NTM: variants seen among roughly 807,000 people sequenced by gnomAD.
NTM encodes the protein neurotrimin, also known as IgLON family member 2.
Under a neutral mutation model 42.1 loss-of-function variants are expected in NTM, and 13 were observed. The observed-to-expected ratio is 0.31, with a 90% CI of 0.20 to 0.49. The LOEUF (loss-of-function observed/expected upper bound fraction) is 0.49, where lower values mean the gene tolerates loss of function less well. Among genes scored for constraint, NTM ranks in the 20% least tolerant of loss-of-function variants. NTM has a pLI of 0.99. For missense variants in NTM, 373 were observed against 452.8 expected, an observed-to-expected ratio of 0.82 and a Z score of 1.60; for synonymous variants, 187 against 179.2, an observed-to-expected ratio of 1.04 and a Z score of -0.35.
chr11:131,495,562 T>G (rs1436064289), intron 1 of NTM, among the ~76,000 whole-genome samples: 1 of 152,204 alleles, frequency 6.6e-6, no homozygotes, highest in African/African-American at 2.4e-5. Flanking sequence ...GCCAGTGTGG[T>G]CGATACTTGG....
At chr11:132,121,405 G>A (rs78286593) in intron 2 of NTM, among the ~76,000 whole-genome samples, 4,271 of 152,166 alleles carry the variant, frequency 0.028, 81 homozygotes, top group Middle Eastern at 0.11. Context: ...TATGAATCTC[G>A]TATAAGACTC....
chr11:132,087,390 C>T (rs1002132522), intron 2 of NTM, among the ~76,000 whole-genome samples: 23 of 152,188 alleles, frequency 1.5e-4, no homozygotes, highest in African/African-American at 5.6e-4. Context: ...GTCATGCTCA[C>T]CTACATTGTG....
intron 1 of NTM, among the ~76,000 whole-genome samples, chr11:131,389,795 C>CA (rs374044391): frequency 5.0e-4 from 76 of 152,318 alleles, no homozygotes; most frequent in African/African-American, 1.7e-3. Context: ...ATTCAGTAAT[C>CA]AAACACGTGG....
At chr11:132,071,267 G>A (rs1420188549) in intron 2 of NTM, among the ~76,000 whole-genome samples, 1 of 122,620 alleles carries the variant, frequency 8.2e-6, no homozygotes, top group Non-Finnish European at 1.7e-5. Flanking sequence ...ACGTCACACT[G>A]ACCATCACAG....
intron 1 of NTM, among the ~76,000 whole-genome samples, chr11:131,648,928 C>T (rs2066111254): frequency 6.6e-6 from 1 of 152,186 alleles, no homozygotes; most frequent in African/African-American, 2.4e-5. Flanking sequence ...AGAATAAAAA[C>T]CACCCAGGGT....
chr11:132,093,466 C>T (rs993376229), intron 2 of NTM, among the ~76,000 whole-genome samples: 3 of 152,184 alleles, frequency 2.0e-5, no homozygotes, highest in Non-Finnish European at 2.9e-5. Flanking sequence ...GAGCAGTCTT[C>T]TCTTCCTCCC....
At position 131,926,935 on chromosome 11, in the gene NTM, G is replaced by A. The variant is rs116433269; in HGVS notation, c.167+15287G>A. Reference sequence around the variant, plus strand: ...AAATGTGCATGATATCCAATTTGACGTTTTACCTGTTGCCATTTCCAAGAT... The same window carrying A: ...AAATGTGCATGATATCCAATTTGACATTTTACCTGTTGCCATTTCCAAGAT... On this transcript the variant is annotated intron_variant, in intron 2 of 8. Coordinates refer to ENST00000683400, the MANE Select transcript of NTM (RefSeq NM_001352005.2). 7.2e-3 allele frequency among the ~76,000 whole-genome samples: 1,101 copies of A among 152,288 alleles called. 14 individuals carry two copies. Among genetic ancestry groups the A allele is most frequent in the African/African-American group, 0.025 (1,047 of 41,560 alleles).
intron 1 of NTM, among the ~76,000 whole-genome samples, chr11:131,616,433 T>C (rs1006771848): frequency 2.0e-5 from 3 of 152,060 alleles, no homozygotes; most frequent in Non-Finnish European, 2.9e-5. Context: ...AGGAAGCAAT[T>C]TGACAACGAG....
intron 1 of NTM, chr11:131,662,125 G>T (rs1264313447): frequency 1.3e-5 from 2 of 152,162 alleles, no homozygotes; most frequent in Non-Finnish European, 2.9e-5. Flanking sequence ...AAAAATACTA[G>T]AACTTGTTTT....
chr11:131,816,716 C>T (rs1249278253), intron 1 of NTM, among the ~76,000 whole-genome samples: 1 of 152,134 alleles, frequency 6.6e-6, no homozygotes, highest in Middle Eastern at 3.4e-3. Context: ...GTTTTAGAGG[C>T]GAAGTGTTCT....
chr11:132,028,778 A>G (rs754604874), intron 2 of NTM, among the ~76,000 whole-genome samples: 2 of 152,150 alleles, frequency 1.3e-5, no homozygotes, highest in African/African-American at 2.4e-5. Flanking sequence ...GCAGGCCTTC[A>G]TAAGAACAGG....
At chr11:131,931,447 A>AT (rs1555181811) in intron 2 of NTM, among the ~76,000 whole-genome samples, 166 of 150,444 alleles carry the variant, frequency 1.1e-3, no homozygotes, top group African/African-American at 2.8e-3. Context: ...TCAAAAAAAA[A>AT]AATAATAATA....
chr11:132,024,144 C>A (rs1400892426), intron 2 of NTM, among the ~76,000 whole-genome samples: 1 of 151,740 alleles, frequency 6.6e-6, no homozygotes, highest in Non-Finnish European at 1.5e-5. Flanking sequence ...ATAAATTTCC[C>A]ACAGAGAGGG....
At chr11:132,162,369 CGTGA>C (rs2074476344) in intron 3 of NTM, among the ~76,000 whole-genome samples, 1 of 128,068 alleles carries the variant, frequency 7.8e-6, no homozygotes, top group Non-Finnish European at 1.6e-5. Flanking sequence ...GGGGGGACTG[CGTGA>C]GTGTGTGTAT....
chr11:131,976,593 C>T (rs1360554928), intron 2 of NTM, among the ~76,000 whole-genome samples: 2 of 152,168 alleles, frequency 1.3e-5, no homozygotes, highest in African/African-American at 4.8e-5. Flanking sequence ...TCTTCCTCTC[C>T]ACCCTCTTTC....
At chr11:131,780,321 G>C (rs1311814035) in intron 1 of NTM, among the ~76,000 whole-genome samples, 1 of 152,104 alleles carries the variant, frequency 6.6e-6, no homozygotes, top group African/African-American at 2.4e-5. Context: ...GATCATCCAG[G>C]GTGTGAACGA....
chr11:131,521,702 C>T (rs1464519763), intron 1 of NTM, among the ~76,000 whole-genome samples: 2 of 151,974 alleles, frequency 1.3e-5, no homozygotes, highest in East Asian at 1.9e-4. Context: ...TCATTAGGCT[C>T]CCCTCCCACT....
intron 1 of NTM, among the ~76,000 whole-genome samples, chr11:131,595,151 T>G (rs530645033): frequency 3.3e-5 from 5 of 152,296 alleles, no homozygotes. Flanking sequence ...GTGGGATGGC[T>G]GTAGCTGAGT....
chr11:131,968,810 A>G (rs952111403), intron 2 of NTM, among the ~76,000 whole-genome samples: 9 of 152,300 alleles, frequency 5.9e-5, no homozygotes, highest in South Asian at 2.1e-4. Flanking sequence ...GCAACTGAAC[A>G]CAAAGAGCCT....
Sources: gnomAD v4.1 joint callset for allele counts (sites outside exome capture counted in the v4.1 genomes callset) on GRCh38, gnomAD v4.1.1 for gene constraint, MANE v1.5 for transcripts, NCBI Gene and HGNC (gene_info 2026-07-23, HGNC 2026-07-21) for gene names.